Variants in CSMD1 observed in about 807,000 individuals in gnomAD.
CSMD1 encodes the protein CUB and sushi domain-containing protein 1.
CSMD1 carries 213 observed loss-of-function variants against 417.5 expected under a neutral mutation model. The ratio of observed to expected loss-of-function variants is 0.51; its 90% CI spans 0.46 to 0.57. CSMD1 has a LOEUF of 0.57. Ranked by LOEUF, CSMD1 falls within the 20% of genes least tolerant of loss-of-function variation. The probability of loss-of-function intolerance (pLI) is 0.00; values close to 1 mark genes in which losing one functional copy is unlikely to be tolerated. For missense variants in CSMD1, 6,923 were observed against 4,529.7 expected (o/e 1.53, Z -15.17); for synonymous variants, 2,862 against 1,736.8 (o/e 1.65, Z -16.11).
chr8:4,032,704 C>G (rs574709407), intron 3 of CSMD1, among the ~76,000 whole-genome samples: 2 of 152,140 alleles, frequency 1.3e-5, no homozygotes, highest in African/African-American at 2.4e-5. Flanking sequence ...CAGGCTCTGT[C>G]CATTTATAGT....
intron 7 of CSMD1, among the ~76,000 whole-genome samples, chr8:3,646,615 A>G (rs1195843458): frequency 1.3e-5 from 2 of 152,200 alleles, no homozygotes; most frequent in African/African-American, 2.4e-5. Context: ...GGGAACCACT[A>G]AAAATGAGTA....
intron 5 of CSMD1, among the ~76,000 whole-genome samples, chr8:3,942,662 T>G (rs576142023): frequency 6.6e-6 from 1 of 152,318 alleles, no homozygotes; most frequent in South Asian, 2.1e-4. Flanking sequence ...TAAAAACTGT[T>G]TATGATTTAT....
intron 10 of CSMD1, among the ~76,000 whole-genome samples, chr8:3,530,155 T>C (rs1275342972): frequency 1.3e-5 from 2 of 152,184 alleles, no homozygotes; most frequent in Non-Finnish European, 1.5e-5. Flanking sequence ...TCTGTTGTTT[T>C]CTCTATTCAT....
intron 3 of CSMD1, among the ~76,000 whole-genome samples, chr8:4,159,703 C>G (rs1797038503): frequency 6.6e-6 from 1 of 152,188 alleles, no homozygotes; most frequent in Admixed American, 6.5e-5. Context: ...ATTCTCCTGC[C>G]TCAGCCTCCC....
At chr8:3,503,098 A>G (rs982007359) in intron 10 of CSMD1, among the ~76,000 whole-genome samples, 10 of 152,248 alleles carry the variant, frequency 6.6e-5, no homozygotes, top group African/African-American at 2.2e-4. Flanking sequence ...AAGCTTTTAT[A>G]TCTGTATGCA....
intron 3 of CSMD1, among the ~76,000 whole-genome samples, chr8:4,211,610 G>T (rs1310159077): frequency 6.6e-6 from 1 of 152,142 alleles, no homozygotes; most frequent in Non-Finnish European, 1.5e-5. Context: ...TCTCCAAGTT[G>T]CTCCATAAGA....
intron 3 of CSMD1, among the ~76,000 whole-genome samples, chr8:4,079,374 C>G (rs886580834): frequency 1.3e-5 from 2 of 152,160 alleles, no homozygotes; most frequent in South Asian, 2.1e-4. Flanking sequence ...AATCTGTAAT[C>G]AGGCATTCTA....
At chr8:3,274,199 C>T (rs1488838798) in intron 26 of CSMD1, among the ~76,000 whole-genome samples, 1 of 151,650 alleles carries the variant, frequency 6.6e-6, no homozygotes, top group African/African-American at 2.4e-5. Flanking sequence ...AGTAGTCATT[C>T]AGGAGCAGGT....
chr8:3,728,652 G>C (rs966380374), intron 6 of CSMD1, among the ~76,000 whole-genome samples: 6 of 151,862 alleles, frequency 4.0e-5, no homozygotes. Context: ...CGTGTGGGGA[G>C]CACAGATGGA....
chr8:3,968,819 C>T (rs965603070), intron 5 of CSMD1, among the ~76,000 whole-genome samples: 1 of 152,104 alleles, frequency 6.6e-6, no homozygotes, highest in African/African-American at 2.4e-5. Context: ...AACACTGATC[C>T]AGTATAGGAC....
At chr8:3,852,790 T>A (rs74724112) in intron 5 of CSMD1, among the ~76,000 whole-genome samples, 1 of 151,820 alleles carries the variant, frequency 6.6e-6, no homozygotes, top group Admixed American at 6.6e-5. Context: ...GCCTCTTCTG[T>A]CTCCTCCAAG....
chr8:3,045,204 TTCC>T (rs1811354144), intron 50 of CSMD1, among the ~76,000 whole-genome samples: 2 of 152,214 alleles, frequency 1.3e-5, no homozygotes, highest in African/African-American at 4.8e-5. Flanking sequence ...TTACATTTAT[TTCC>T]TCATGTTACT....
chr8:4,749,902 G>C (rs963571550), intron 1 of CSMD1, among the ~76,000 whole-genome samples: 10 of 151,868 alleles, frequency 6.6e-5, no homozygotes, highest in Admixed American at 6.6e-5. Flanking sequence ...GTCTTGTTTT[G>C]TCTCTAGATT....
chr8:2,965,573 A>AGAG (rs1328778841), intron 59 of CSMD1, among the ~76,000 whole-genome samples: 12 of 152,032 alleles, frequency 7.9e-5, no homozygotes, highest in African/African-American at 2.7e-4. Context: ...CTTTTCCTCT[A>AGAG]CCTCGCTATG....
intron 10 of CSMD1, among the ~76,000 whole-genome samples, chr8:3,551,826 T>C (rs1313649421): frequency 6.6e-6 from 1 of 152,136 alleles, no homozygotes; most frequent in Non-Finnish European, 1.5e-5. Context: ...CCTGCATCAG[T>C]CTAGACGTGG....
At chr8:3,247,333 C>T (rs1010958979) in intron 26 of CSMD1, among the ~76,000 whole-genome samples, 2 of 152,156 alleles carry the variant, frequency 1.3e-5, no homozygotes, top group Non-Finnish European at 2.9e-5. Flanking sequence ...ACTCCTCCTG[C>T]TCCTGGCCCC....
chr8:3,240,947 G>T, intron 26 of CSMD1, among the ~76,000 whole-genome samples: 1 of 151,920 alleles, frequency 6.6e-6, no homozygotes, highest in Non-Finnish European at 1.5e-5. Flanking sequence ...AAAGCATGCT[G>T]TGGGATGGGA....
intron 1 of CSMD1, among the ~76,000 whole-genome samples, chr8:4,936,501 T>A (rs1215423592): frequency 2.0e-5 from 3 of 152,218 alleles, no homozygotes; most frequent in Non-Finnish European, 4.4e-5. Flanking sequence ...CCTTTTCCAA[T>A]TACACTTCTA....
At chr8:4,351,851 C>G (rs932477458) in intron 3 of CSMD1, among the ~76,000 whole-genome samples, 1 of 152,052 alleles carries the variant, frequency 6.6e-6, no homozygotes, top group African/African-American at 2.4e-5. Context: ...TGTCCAGGAC[C>G]CTGGTCATTA....
Sources: gnomAD v4.1 joint callset for allele counts (sites outside exome capture counted in the v4.1 genomes callset) on GRCh38, gnomAD v4.1.1 for gene constraint, MANE v1.5 for transcripts, NCBI Gene and HGNC (gene_info 2026-07-23, HGNC 2026-07-21) for gene names.